Variants in PTPRT observed in about 807,000 individuals in gnomAD.
PTPRT encodes protein tyrosine phosphatase receptor type T.
PTPRT carries 56 observed loss-of-function variants against 176.8 expected under a neutral mutation model. That is an observed-to-expected ratio of 0.32 (90% confidence interval 0.26 to 0.40). The LOEUF is 0.40. Among genes scored for constraint, PTPRT ranks in the 10% least tolerant of loss-of-function variants. The pLI, the probability that PTPRT is intolerant of heterozygous loss-of-function variation, is 1.00. For missense variants in PTPRT, 1,540 were observed against 1,908.2 expected (o/e 0.81, Z 3.60); for synonymous variants, 783 against 739.0 (o/e 1.06, Z -0.96).
chr20:43,080,458 C>T (rs2011409960), intron 1 of PTPRT, among the ~76,000 whole-genome samples: 2 of 152,176 alleles, frequency 1.3e-5, no homozygotes, highest in African/African-American at 2.4e-5. Flanking sequence ...TTTTATTTTT[C>T]TCTGGGCTTT....
intron 7 of PTPRT, among the ~76,000 whole-genome samples, chr20:42,661,484 T>C (rs1277106830): frequency 6.6e-6 from 1 of 151,998 alleles, no homozygotes; most frequent in Non-Finnish European, 1.5e-5. Flanking sequence ...TTTTTTCAAG[T>C]ATAAAGATGA....
At chr20:42,288,632 C>G (rs1427449197) in intron 12 of PTPRT, among the ~76,000 whole-genome samples, 1 of 151,930 alleles carries the variant, frequency 6.6e-6, no homozygotes, top group African/African-American at 2.4e-5. Flanking sequence ...TTTTCTCTTT[C>G]TGCACTAATT....
At chr20:43,176,334 A>G (rs2425612) in intron 1 of PTPRT, among the ~76,000 whole-genome samples, 104,135 of 151,668 alleles carry the variant, frequency 0.69, 39,157 homozygotes, top group Non-Finnish European at 0.85. Flanking sequence ...GCAACAGATC[A>G]AGACCCTGAG....
intron 9 of PTPRT, among the ~76,000 whole-genome samples, chr20:42,414,845 A>T (rs1466798136): frequency 2.6e-5 from 4 of 152,248 alleles, no homozygotes; most frequent in Non-Finnish European, 5.9e-5. Context: ...ATAGAATATA[A>T]ATCCAGTAGG....
At chr20:42,744,045 G>T (rs1168073144) in intron 6 of PTPRT, among the ~76,000 whole-genome samples, 1 of 152,244 alleles carries the variant, frequency 6.6e-6, no homozygotes, top group African/African-American at 2.4e-5. Flanking sequence ...GCTGGGTGAG[G>T]CCAGGTACAA....
chr20:42,541,199 A>C (rs1341745656), intron 7 of PTPRT, among the ~76,000 whole-genome samples: 1 of 152,174 alleles, frequency 6.6e-6, no homozygotes, highest in Non-Finnish European at 1.5e-5. Context: ...ATGTGATGCC[A>C]ATAAAAACAC....
At chr20:42,946,482 T>C (rs1980891238) in intron 1 of PTPRT, among the ~76,000 whole-genome samples, 1 of 152,218 alleles carries the variant, frequency 6.6e-6, no homozygotes, top group Non-Finnish European at 1.5e-5. Context: ...GTGCTGTATT[T>C]TAAGTACAAC....
At chr20:42,130,685 C>T (rs910208455) in intron 18 of PTPRT, among the ~76,000 whole-genome samples, 2 of 152,158 alleles carry the variant, frequency 1.3e-5, no homozygotes, top group Non-Finnish European at 2.9e-5. Context: ...TGCCATGTGG[C>T]AGGCAGGCAC....
chr20:42,290,753 T>A (rs1204621518), intron 12 of PTPRT, among the ~76,000 whole-genome samples: 1 of 152,056 alleles, frequency 6.6e-6, no homozygotes, highest in East Asian at 1.9e-4. Flanking sequence ...CTAGGTCAAG[T>A]CTGACTCATC....
intron 1 of PTPRT, among the ~76,000 whole-genome samples, chr20:42,925,948 A>G (rs1028489457): frequency 6.6e-6 from 1 of 152,186 alleles, no homozygotes; most frequent in Non-Finnish European, 1.5e-5. Context: ...CCAGCTCCAT[A>G]TAAGGTCTTT....
intron 13 of PTPRT, among the ~76,000 whole-genome samples, chr20:42,268,572 T>G (rs1308739099): frequency 6.6e-6 from 1 of 152,252 alleles, no homozygotes; most frequent in Non-Finnish European, 1.5e-5. Flanking sequence ...GGCTGGGGAC[T>G]GATTTCAGTA....
At chr20:42,571,292 G>A (rs2073148542) in intron 7 of PTPRT, among the ~76,000 whole-genome samples, 1 of 152,128 alleles carries the variant, frequency 6.6e-6, no homozygotes, top group South Asian at 2.1e-4. Flanking sequence ...TTCTAAATAG[G>A]AAAGAAGGAT....
intron 3 of PTPRT, among the ~76,000 whole-genome samples, chr20:42,783,665 C>A (rs2077247569): frequency 6.6e-6 from 1 of 152,096 alleles, no homozygotes; most frequent in Non-Finnish European, 1.5e-5. Flanking sequence ...GATGCCTGGA[C>A]CCTCAGAGAT....
At chr20:42,973,527 C>A (rs921322314) in intron 1 of PTPRT, among the ~76,000 whole-genome samples, 6 of 152,146 alleles carry the variant, frequency 3.9e-5, no homozygotes, top group Non-Finnish European at 7.3e-5. Context: ...ATTATTTAAT[C>A]ACGAATGCAT....
At chr20:42,104,372 C>T (rs1023042974) in intron 25 of PTPRT, among the ~76,000 whole-genome samples, 197 bp downstream of exon 25, 7 of 152,084 alleles carry the variant, frequency 4.6e-5, no homozygotes, top group South Asian at 4.2e-4. Context: ...GAATATGCAA[C>T]GAGAAGACGG....
chr20:42,483,782 T>G (rs2145341967), intron 7 of PTPRT, among the ~76,000 whole-genome samples: 1 of 152,356 alleles, frequency 6.6e-6, no homozygotes, highest in South Asian at 2.1e-4. Context: ...AGCCATTGTC[T>G]TTGGCTCCAA....
At chr20:43,065,522 G>T (rs538230775) in intron 1 of PTPRT, among the ~76,000 whole-genome samples, 1 of 152,350 alleles carries the variant, frequency 6.6e-6, no homozygotes, top group East Asian at 1.9e-4. Context: ...CCCAGTGGGG[G>T]AGGGAGTGTC....
intron 23 of PTPRT, among the ~76,000 whole-genome samples, chr20:42,107,214 T>C (rs1000769134): frequency 4.1e-5 from 6 of 145,118 alleles, no homozygotes; most frequent in African/African-American, 1.5e-4. Flanking sequence ...TTTTCTACCC[T>C]TCTTTTCTCT....
In PTPRT at chr20:42,077,665, C is replaced by T. The variant is rs947471767; in HGVS notation, c.*3214G>A. ...GGGATCTTAGGGAAGTCATCCCCAT[C>T]CATAAGCCTCAATTTCTTCCTGTGT... On this transcript the variant is annotated 3_prime_UTR_variant, in exon 31 of 31. Transcript: ENST00000373187. The T allele has an allele frequency of 2.3e-5, 5 of 220,074 alleles. No individual in the cohort carries two copies. Among genetic ancestry groups the T allele is most frequent in the Non-Finnish European group, 3.6e-5 (4 of 109,786 alleles). The allele number at this position is 220,074 out of a possible 1,614,324, so 13.6% of individuals were successfully genotyped here. A position where few individuals can be genotyped will look rare whatever the true frequency, so the allele number is the denominator to read the frequency against.
Sources: allele counts gnomAD v4.1 joint callset (sites outside exome capture counted in the v4.1 genomes callset), GRCh38; gene constraint gnomAD v4.1.1; transcripts MANE v1.5; gene names NCBI Gene and HGNC (gene_info 2026-07-23, HGNC 2026-07-21).